Variants in MAN1A2 observed in about 807,000 individuals in gnomAD.
MAN1A2 encodes mannosyl-oligosaccharide 1,2-alpha-mannosidase IB.
MAN1A2 carries 26 observed loss-of-function variants against 75.7 expected under a neutral mutation model. The ratio of observed to expected loss-of-function variants is 0.34; its 90% CI spans 0.25 to 0.48. The LOEUF (loss-of-function observed/expected upper bound fraction) is 0.48, where lower values mean the gene tolerates loss of function less well. Ranked by LOEUF, MAN1A2 falls within the 20% of genes least tolerant of loss-of-function variation. MAN1A2 has a pLI of 0.99. For missense variants in MAN1A2, 562 were observed against 775.5 expected, an observed-to-expected ratio of 0.72 and a Z score of 3.27; for synonymous variants, 247 against 264.6, an observed-to-expected ratio of 0.93 and a Z score of 0.65.
intron 12 of MAN1A2, among the ~76,000 whole-genome samples, chr1:117,516,564 A>T (rs1273182990): frequency 6.6e-6 from 1 of 152,150 alleles, no homozygotes; most frequent in Non-Finnish European, 1.5e-5. Flanking sequence ...TACTCTAAAG[A>T]TGGAACCAGA....
chr1:117,448,465 A>C (rs1196173690), intron 6 of MAN1A2, among the ~76,000 whole-genome samples: 1 of 152,168 alleles, frequency 6.6e-6, no homozygotes, highest in East Asian at 1.9e-4. Context: ...TTACATAGCT[A>C]TTGTAAGTGT....
At chr1:117,489,106 T>A (rs976463231) in intron 8 of MAN1A2, among the ~76,000 whole-genome samples, 2 of 152,108 alleles carry the variant, frequency 1.3e-5, no homozygotes, top group Non-Finnish European at 2.9e-5. Context: ...CTTTAATGAT[T>A]GTGCAGTCCT....
Position 117,522,898 on chromosome 1 carries a change from C to T in MAN1A2, c.1867C>T (p.Pro623Ser), listed in dbSNP as rs866179059. 1 of 1,611,836 alleles carries T rather than the reference C, an allele frequency of 6.2e-7. No homozygotes were observed. Among genetic ancestry groups the T allele is most frequent in the Non-Finnish European group, 8.5e-7 (1 of 1,178,558 alleles). The change falls in exon 13 of 13, where the codon CCT becomes TCT. Residue 623 changes from proline (P) to serine (S), a missense_variant. Physicochemically the swap from Pro to Ser is moderately conservative, Grantham distance 74 (BLOSUM62 -1). Coordinates refer to ENST00000356554, the MANE Select transcript of MAN1A2 (RefSeq NM_006699.5). ...DHWVFNTEAH[P>S]LPVLHLANTT... ...CTGGGTGTTTAATACAGAGGCTCAC[C>T]CTCTGCCTGTGTTACATTTAGCCAA...
At chr1:117,488,467 A>G (rs1650782877) in intron 8 of MAN1A2, among the ~76,000 whole-genome samples, 1 of 152,112 alleles carries the variant, frequency 6.6e-6, no homozygotes, top group Non-Finnish European at 1.5e-5. Context: ...AAGTGCTGGG[A>G]TTGCAGGCGT....
Position 117,525,866 on chromosome 1 carries a change from C to A in MAN1A2, c.*2909C>A, listed in dbSNP as rs1454571127. 6.6e-6 allele frequency: 1 copy of A among 151,686 alleles called. No individual in the cohort carries two copies. Among genetic ancestry groups the A allele is most frequent in the Admixed American group, 6.6e-5 (1 of 15,166 alleles). 9.4% of individuals were successfully genotyped at this position (151,686 alleles called of 1,614,324 possible). ...GGTTCTTACTTTCTTGTGGGTTGCA[C>A]ATTTTGTATCTCTCTAACATCAGCG... On this transcript the variant is annotated 3_prime_UTR_variant, in exon 13 of 13. Transcript: ENST00000356554.
chr1:117,451,027 C>G (rs996510985), intron 6 of MAN1A2, among the ~76,000 whole-genome samples: 3 of 152,210 alleles, frequency 2.0e-5, no homozygotes, highest in African/African-American at 7.2e-5. Flanking sequence ...ATGGTAGATC[C>G]ACCAACAGCT....
At chr1:117,393,741 T>C (rs1254473737) in intron 1 of MAN1A2, among the ~76,000 whole-genome samples, 1 of 152,206 alleles carries the variant, frequency 6.6e-6, no homozygotes, top group Non-Finnish European at 1.5e-5. Flanking sequence ...TCATTTATGA[T>C]TGTTAACAAT....
At chr1:117,372,145 A>G (rs562038338) in intron 1 of MAN1A2, among the ~76,000 whole-genome samples, 1 of 152,322 alleles carries the variant, frequency 6.6e-6, no homozygotes, top group Non-Finnish European at 1.5e-5. Flanking sequence ...TTAAATAATC[A>G]CTTTGGTTGC....
At position 117,466,313 on chromosome 1, in the gene MAN1A2, T is replaced by C. The variant is rs773899503; in HGVS notation, c.1075-21T>C. Reference sequence around the variant, plus strand: ...TGACACTTATTTTTATTAATTGCATTCTTAATTTTATTTTACTCAGGTTAT... The same window carrying C: ...TGACACTTATTTTTATTAATTGCATCCTTAATTTTATTTTACTCAGGTTAT... On this transcript the variant is annotated intron_variant, in intron 7 of 12. Coordinates refer to ENST00000356554, the MANE Select transcript of MAN1A2 (RefSeq NM_006699.5). 2.0e-5 allele frequency: 30 copies of C among 1,493,086 alleles called. No individual in the cohort carries two copies. The African/African-American group carries it at 3.2e-4, about 16-fold the overall frequency. 92.5% of individuals were successfully genotyped at this position (1,493,086 alleles called of 1,614,324 possible).
chr1:117,390,481 T>C (rs116158510), intron 1 of MAN1A2, among the ~76,000 whole-genome samples: 2,494 of 152,108 alleles, frequency 0.016, 61 homozygotes, highest in African/African-American at 0.057. Flanking sequence ...TCATTGCTGA[T>C]ATTGGTAGTT....
chr1:117,455,853 AT>A (rs1649566171), intron 6 of MAN1A2, among the ~76,000 whole-genome samples: 3 of 151,578 alleles, frequency 2.0e-5, no homozygotes, highest in African/African-American at 7.3e-5. Context: ...AGTATATTAC[AT>A]ATCCTCTCAA....
intron 8 of MAN1A2, among the ~76,000 whole-genome samples, chr1:117,475,874 A>T (rs1650297286): frequency 6.6e-6 from 1 of 152,302 alleles, no homozygotes; most frequent in African/African-American, 2.4e-5. Flanking sequence ...CTTTGGGTGT[A>T]TACCCAGTAA....
intron 4 of MAN1A2, among the ~76,000 whole-genome samples, chr1:117,420,186 T>G (rs1016285717): frequency 6.6e-6 from 1 of 151,942 alleles, no homozygotes; most frequent in African/African-American, 2.4e-5. Context: ...TATGCTGTAG[T>G]GATTAGAACA....
At chr1:117,401,917 A>G (rs1647442300) in intron 1 of MAN1A2, among the ~76,000 whole-genome samples, 1 of 151,374 alleles carries the variant, frequency 6.6e-6, no homozygotes, top group Non-Finnish European at 1.5e-5. Flanking sequence ...GTTTTTTGCA[A>G]GTGTCTATGG....
chr1:117,460,677 T>C, intron 7 of MAN1A2, 65 bp downstream of exon 7: 1 of 1,497,450 alleles, frequency 6.7e-7, no homozygotes, highest in Non-Finnish European at 8.9e-7. Context: ...GCCCAAAGAT[T>C]TGATTAATGC....
At chr1:117,441,850 G>A (rs944806128) in intron 5 of MAN1A2, among the ~76,000 whole-genome samples, 2 of 152,004 alleles carry the variant, frequency 1.3e-5, no homozygotes, top group South Asian at 2.1e-4. Context: ...TAATTTAAGG[G>A]CATTTATGCA....
intron 4 of MAN1A2, among the ~76,000 whole-genome samples, chr1:117,415,996 A>C (rs72691708): frequency 0.076 from 11,614 of 152,178 alleles, 497 homozygotes; most frequent in Middle Eastern, 0.15. Context: ...TATACAACAG[A>C]TTGTGCTTTT....
intron 1 of MAN1A2, among the ~76,000 whole-genome samples, chr1:117,377,136 A>G (rs551982380): frequency 1.4e-4 from 21 of 152,346 alleles, no homozygotes; most frequent in Middle Eastern, 3.4e-3. Flanking sequence ...TTATACATGC[A>G]TACATGACTT....
chr1:117,497,095 A>G, intron 10 of MAN1A2, 113 bp downstream of exon 10: 1 of 711,224 alleles, frequency 1.4e-6, no homozygotes, highest in Non-Finnish European at 2.3e-6. Flanking sequence ...AATAGTTTAC[A>G]CCAACAAGGC....
Sources: gnomAD v4.1 joint callset for allele counts (sites outside exome capture counted in the v4.1 genomes callset) on GRCh38, gnomAD v4.1.1 for gene constraint, MANE v1.5 for transcripts, NCBI Gene and HGNC (gene_info 2026-07-23, HGNC 2026-07-21) for gene names.